The following JMY variants were observed in gnomAD, a reference collection of about 807,000 sequenced individuals.
The protein encoded by JMY is junction mediating and regulatory protein, p53 cofactor, also known as junction-mediating and -regulatory protein.
Under a neutral mutation model 103.3 loss-of-function variants are expected in JMY, and 46 were observed. The ratio of observed to expected loss-of-function variants is 0.45; its 90% confidence interval spans 0.35 to 0.57. JMY has a LOEUF of 0.57. Ranked by LOEUF, JMY falls within the 20% of genes least tolerant of loss-of-function variation. JMY has a pLI of 0.00. For missense variants in JMY, 1,238 were observed against 1,255.2 expected (o/e 0.99, Z 0.21); for synonymous variants, 526 against 489.3 (o/e 1.07, Z -0.99).
At chr5:79,314,911 A>G (rs1024962420) in intron 9 of JMY, 60 bp downstream of exon 9, 3 of 1,443,696 alleles carry the variant, frequency 2.1e-6, no homozygotes, top group Admixed American at 4.9e-5. Flanking sequence ...GTAAAAAACT[A>G]TATTTTTTGA....
intron 1 of JMY, among the ~76,000 whole-genome samples, chr5:79,258,314 G>T (rs1840806): frequency 0.27 from 20,192 of 75,530 alleles, 3,009 homozygotes; most frequent in African/African-American, 0.49. Context: ...TGTTTTTGTT[G>T]TTTTTTTTTT....
intron 6 of JMY, among the ~76,000 whole-genome samples, chr5:79,302,411 CAAA>C (rs978062459): frequency 3.3e-5 from 5 of 152,248 alleles, no homozygotes; most frequent in African/African-American, 1.2e-4. Context: ...TTAGAGAAGG[CAAA>C]CCAGGTGAAC....
chr5:79,300,438 G>T (rs1685007464), intron 5 of JMY, 120 bp downstream of exon 5: 2 of 953,572 alleles, frequency 2.1e-6, no homozygotes, highest in Admixed American at 6.1e-5. Flanking sequence ...TAGGGATAGA[G>T]TGTGGGGGGG....
At chr5:79,310,618 A>G (rs924763529) in intron 7 of JMY, among the ~76,000 whole-genome samples, 3 of 152,162 alleles carry the variant, frequency 2.0e-5, no homozygotes, top group African/African-American at 7.2e-5. Context: ...TTAGATGTTA[A>G]CCTTATTATT....
intron 1 of JMY, among the ~76,000 whole-genome samples, chr5:79,270,241 A>AC (rs1358028254): frequency 1.3e-5 from 2 of 150,252 alleles, no homozygotes; most frequent in Admixed American, 6.6e-5. Context: ...TAGTGGGAAC[A>AC]CCATTAAATA....
Position 79,237,344 on chromosome 5 carries a change from C to G in JMY, c.694C>G (p.Leu232Val). Residue 232 changes from leucine (L) to valine (V), a missense_variant, in exon 1 of 11, where the codon CTG (leucine) becomes GTG (valine). Physicochemically the swap from Leu to Val is conservative, Grantham distance 32. Transcript: ENST00000396137. ...SPAEECSWAG[L>V]FSFQDLRAVH... ...GGCCGAAGAGTGCAGCTGGGCCGGA[C>G]TGTTTTCTTTCCAGGACCTGCGCGC... The G allele has an allele frequency of 6.2e-7, 1 of 1,607,314 alleles. No individual in the cohort carries two copies. The highest frequency in any genetic ancestry group is 8.5e-7 in the Non-Finnish European group (1 of 1,177,402).
intron 2 of JMY, chr5:79,284,723 C>T (rs1040194700): frequency 6.3e-6 from 10 of 1,591,886 alleles, no homozygotes; most frequent in Non-Finnish European, 8.5e-6. Flanking sequence ...ACTTCAAACA[C>T]ACGACCCTTG....
At chr5:79,304,976 T>TC (rs1746837151) in intron 6 of JMY, among the ~76,000 whole-genome samples, 1 of 152,176 alleles carries the variant, frequency 6.6e-6, no homozygotes, top group African/African-American at 2.4e-5. Context: ...AGTTACTGTA[T>TC]CACCAAGTCA....
At chr5:79,303,218 A>C (rs1485897840) in intron 6 of JMY, among the ~76,000 whole-genome samples, 1 of 152,164 alleles carries the variant, frequency 6.6e-6, no homozygotes, top group East Asian at 1.9e-4. Context: ...CATACTGAGC[A>C]GGTGATTTTT....
chr5:79,237,809 A>G (rs1174361844), intron 1 of JMY, 127 bp downstream of exon 1: 2 of 768,462 alleles, frequency 2.6e-6, no homozygotes, highest in Non-Finnish European at 4.1e-6. Context: ...AGCGGAAACC[A>G]AGAGGGGTTC....
At chr5:79,288,672 T>G (rs1178315474) in intron 2 of JMY, among the ~76,000 whole-genome samples, 1 of 152,032 alleles carries the variant, frequency 6.6e-6, no homozygotes, top group Non-Finnish European at 1.5e-5. Flanking sequence ...CTCATGACTT[T>G]TTTTTTTGTT....
intron 10 of JMY, among the ~76,000 whole-genome samples, chr5:79,317,417 G>A (rs1384183019): frequency 7.2e-5 from 11 of 152,060 alleles, no homozygotes; most frequent in African/African-American, 1.9e-4. Context: ...TAATTATAGA[G>A]TAATATGGCA....
At chr5:79,274,386 T>A (rs116183150) in intron 1 of JMY, among the ~76,000 whole-genome samples, 6,077 of 151,956 alleles carry the variant, frequency 0.04, 157 homozygotes, top group African/African-American at 0.075. Flanking sequence ...TTGCTTTTTT[T>A]AAAAATAGTG....
chr5:79,291,428 G>C, intron 4 of JMY, 129 bp downstream of exon 4: 1 of 692,500 alleles, frequency 1.4e-6, no homozygotes, highest in Non-Finnish European at 2.3e-6. Flanking sequence ...AAAACACTTA[G>C]AATAGGTCCT....
rs576797101 is a variant in JMY, at chr5:79,284,194, C to T, written c.1207-5927C>T. ...GCTCGTTCAACTTTAGCACCTCTCT[C>T]GTCCCCAGTGGCTTTTCCAGAACTA... On this transcript the variant is annotated intron_variant, in intron 2 of 10. Coordinates refer to ENST00000396137, the MANE Select transcript of JMY (RefSeq NM_152405.5). 1.6e-5 allele frequency: 25 copies of T among 1,558,782 alleles called. No individual in the cohort carries two copies. In the South Asian group the frequency reaches 2.0e-4, roughly 12 times the overall value.
chr5:79,259,597 G>A (rs1745355773), intron 1 of JMY, among the ~76,000 whole-genome samples: 1 of 152,222 alleles, frequency 6.6e-6, no homozygotes, highest in African/African-American at 2.4e-5. Flanking sequence ...GCTGCCCTCA[G>A]CACCCCCTTG....
chr5:79,318,759 TATAGAGAGAG>T (rs1403525457), intron 10 of JMY, among the ~76,000 whole-genome samples: 1 of 20,574 alleles, frequency 4.9e-5, no homozygotes, highest in East Asian at 9.2e-4. Flanking sequence ...TATATATATA[TATAGAGAGAG>T]AGAGAGAGAG....
At chr5:79,297,258 A>G (rs1245811268) in intron 4 of JMY, among the ~76,000 whole-genome samples, 1 of 152,138 alleles carries the variant, frequency 6.6e-6, no homozygotes. Flanking sequence ...AAATTTTAAG[A>G]TGGCCAATTT....
At chr5:79,272,550 G>A (rs1421949532) in intron 1 of JMY, among the ~76,000 whole-genome samples, 1 of 151,288 alleles carries the variant, frequency 6.6e-6, no homozygotes, top group Non-Finnish European at 1.5e-5. Context: ...TGAATATATT[G>A]GGGCTTATAG....
Sources: gnomAD v4.1 joint callset for allele counts (sites outside exome capture counted in the v4.1 genomes callset) on GRCh38, gnomAD v4.1.1 for gene constraint, MANE v1.5 for transcripts, NCBI Gene and HGNC (gene_info 2026-07-23, HGNC 2026-07-21) for gene names.